GNB1: variants seen among roughly 807,000 people sequenced by gnomAD.
GNB1 encodes the protein G protein subunit beta 1.
Under a neutral mutation model 42.9 loss-of-function variants are expected in GNB1, and 2 were observed. That is an observed-to-expected ratio of 0.05 (90% CI 0.02 to 0.15). GNB1 has a LOEUF of 0.15. GNB1 is among the 10% of genes least tolerant of loss of function. GNB1 has a pLI of 1.00. For missense variants in GNB1, 193 were observed against 462.2 expected (o/e 0.42, Z 5.34); for synonymous variants, 183 against 174.7 (o/e 1.05, Z -0.38).
chr1:1,815,744 G>C lies in GNB1; in HGVS notation c.203+12C>G, dbSNP rs1228783188. The stretch of plus-strand genomic sequence containing the variant: ...ATGTAACAAGCAGCATCCTGCTCAT[G>C]CCCACGCCTACCTGGAGTCTGTGCC... On this transcript the variant is annotated intron_variant, in intron 5 of 11. Coordinates refer to ENST00000378609, the MANE Select transcript of GNB1 (RefSeq NM_002074.5). 2.1e-6 allele frequency: 3 copies of C among 1,412,768 alleles called. No individual in the cohort carries two copies. The Admixed American group carries it at 5.0e-5, about 24-fold the overall frequency. 87.5% of individuals were successfully genotyped at this position (1,412,768 alleles called of 1,614,324 possible).
intron 5 of GNB1, among the ~76,000 whole-genome samples, chr1:1,808,375 G>C (rs1290088869): frequency 6.6e-6 from 1 of 151,266 alleles, no homozygotes; most frequent in Non-Finnish European, 1.5e-5. Context: ...TGTTGAAAAG[G>C]AGCTCCATAC....
intron 7 of GNB1, among the ~76,000 whole-genome samples, chr1:1,803,209 AATGT>A (rs2100679085): frequency 6.6e-6 from 1 of 152,364 alleles, no homozygotes; most frequent in African/African-American, 2.4e-5. Flanking sequence ...TCTTTCAGCA[AATGT>A]ATGCCTTTCA....
chr1:1,852,868 A>G (rs1648067425), intron 1 of GNB1, among the ~76,000 whole-genome samples: 1 of 151,756 alleles, frequency 6.6e-6, no homozygotes, highest in Non-Finnish European at 1.5e-5. Flanking sequence ...TGAACCCTCA[A>G]CTGGTTCTTT....
intron 1 of GNB1, among the ~76,000 whole-genome samples, chr1:1,871,703 T>C (rs543790309): frequency 1.8e-4 from 28 of 152,314 alleles, no homozygotes; most frequent in African/African-American, 6.5e-4. Flanking sequence ...GCTTCAGATA[T>C]TCAAGGCATG....
At chr1:1,845,850 C>G (rs1361976213) in intron 1 of GNB1, among the ~76,000 whole-genome samples, 2 of 83,098 alleles carry the variant, frequency 2.4e-5, no homozygotes, top group Non-Finnish European at 5.6e-5. Context: ...CACACACACA[C>G]ACACACACAC....
chr1:1,868,175 G>GT (rs906375710), intron 1 of GNB1, among the ~76,000 whole-genome samples: 3 of 151,724 alleles, frequency 2.0e-5, no homozygotes, highest in Admixed American at 6.6e-5. Flanking sequence ...TGTGTGTTTT[G>GT]TTTTTTTGTT....
At position 1,831,000 on chromosome 1, in the gene GNB1, C is replaced by T. The variant is rs185702663; in HGVS notation, c.-46-5501G>A. ...CCAACGTGGTGAAACTCCGTTTCTA[C>T]TAAAAAATACAAAAATTAGCCAGGT... On this transcript the variant is annotated intron_variant, in intron 2 of 11. Coordinates refer to ENST00000378609, the MANE Select transcript of GNB1 (RefSeq NM_002074.5). Among the ~76,000 whole-genome samples, 541 of 152,146 alleles carry T rather than the reference C, an allele frequency of 3.6e-3. 1 individual carries two copies. The highest frequency in any genetic ancestry group is 0.013 in the African/African-American group (525 of 41,492).
At chr1:1,798,773 G>C (rs1646581368) in intron 7 of GNB1, among the ~76,000 whole-genome samples, 1 of 152,162 alleles carries the variant, frequency 6.6e-6, no homozygotes, top group South Asian at 2.1e-4. Flanking sequence ...AGCGATCTCA[G>C]CTCACTGCAA....
intron 1 of GNB1, among the ~76,000 whole-genome samples, chr1:1,866,784 T>G (rs978295097): frequency 2.0e-5 from 3 of 146,616 alleles, no homozygotes; most frequent in African/African-American, 5.1e-5. Context: ...GAAACCCCGT[T>G]TCTACTAAAA....
chr1:1,798,959 G>A (rs1206910897), intron 7 of GNB1, among the ~76,000 whole-genome samples: 2 of 146,560 alleles, frequency 1.4e-5, no homozygotes, highest in African/African-American at 2.5e-5. Flanking sequence ...TCTCGCTGTC[G>A]CCCAGGTTGG....
At chr1:1,873,096 C>A (rs1299294257) in intron 1 of GNB1, among the ~76,000 whole-genome samples, 1 of 151,664 alleles carries the variant, frequency 6.6e-6, no homozygotes, top group East Asian at 1.9e-4. Flanking sequence ...GATGCGGTCT[C>A]ACTATGTTGT....
At position 1,845,957 on chromosome 1, in the gene GNB1, A is replaced by G. The variant is rs185745360; in HGVS notation, c.-95-6719T>C. ...AAGCCCAAATCTTGGTTTTATAAAA[A>G]CGGTTCCCTTTAAAAGGAGCTTCAG... On this transcript the variant is annotated intron_variant, in intron 1 of 11. Coordinates refer to ENST00000378609, the MANE Select transcript of GNB1 (RefSeq NM_002074.5). 2.4e-3 allele frequency among the ~76,000 whole-genome samples: 366 copies of G among 152,082 alleles called. 2 individuals carry two copies. The highest frequency in any genetic ancestry group is 7.9e-3 in the African/African-American group (328 of 41,488).
chr1:1,890,167 G>C (rs982647811), intron 1 of GNB1, among the ~76,000 whole-genome samples: 2 of 152,174 alleles, frequency 1.3e-5, no homozygotes, highest in Non-Finnish European at 2.9e-5. Context: ...CAGGAGAAGG[G>C]CGAGGCCACA....
intron 1 of GNB1, among the ~76,000 whole-genome samples, chr1:1,886,964 C>T (rs1375857581): frequency 2.6e-5 from 4 of 152,182 alleles, no homozygotes; most frequent in South Asian, 2.1e-4. Flanking sequence ...CCGCCTGACT[C>T]GGCCTCCCAA....
rs375846085 is a variant in GNB1 at position 1,813,539 on chromosome 1, G to A, written c.203+2217C>T. Among the ~76,000 whole-genome samples the A allele has an allele frequency of 7.9e-5, 12 of 152,288 alleles. 1 individual carries two copies. Among genetic ancestry groups the A allele is most frequent in the Admixed American group, 2.6e-4 (4 of 15,298 alleles). ...ACTCTGCCGTGCAGGCTGAAACACA[G>A]TGGGGTGATCTGGAATCACTGCAAG... On this transcript the variant is annotated intron_variant, in intron 5 of 11. Transcript: ENST00000378609.
chr1:1,831,801 G>A (rs552924584), intron 2 of GNB1, among the ~76,000 whole-genome samples: 2 of 151,412 alleles, frequency 1.3e-5, no homozygotes, highest in African/African-American at 4.8e-5. Flanking sequence ...GCTCATGCCT[G>A]TAGTCCCAGC....
At chr1:1,854,977 G>A (rs962935533) in intron 1 of GNB1, among the ~76,000 whole-genome samples, 1 of 152,008 alleles carries the variant, frequency 6.6e-6, no homozygotes, top group East Asian at 1.9e-4. Context: ...TGGCCAAGAT[G>A]GTGAAACCCC....
chr1:1,808,790 C>T (rs749391460), intron 5 of GNB1, among the ~76,000 whole-genome samples: 2 of 152,030 alleles, frequency 1.3e-5, no homozygotes, highest in African/African-American at 4.8e-5. Context: ...ATTACAGGTA[C>T]GTGCCACCAC....
At chr1:1,791,622 G>T (rs1434573894) in intron 8 of GNB1, among the ~76,000 whole-genome samples, 1 of 152,142 alleles carries the variant, frequency 6.6e-6, no homozygotes, top group Non-Finnish European at 1.5e-5. Flanking sequence ...CCTGTGCCTC[G>T]ACCCATGGAA....
Sources: gnomAD v4.1 joint callset for allele counts (sites outside exome capture counted in the v4.1 genomes callset) on GRCh38, gnomAD v4.1.1 for gene constraint, MANE v1.5 for transcripts, NCBI Gene and HGNC (gene_info 2026-07-23, HGNC 2026-07-21) for gene names.